Variants in SLC2A13 observed in about 807,000 individuals in gnomAD.
The protein encoded by SLC2A13 is solute carrier family 2 member 13.
In SLC2A13, 32 loss-of-function variants were observed where a neutral mutation model predicts 64.4. The observed-to-expected ratio is 0.50, with a 90% CI of 0.37 to 0.67. The LOEUF (loss-of-function observed/expected upper bound fraction) is 0.67. SLC2A13 is among the 30% of genes least tolerant of loss of function. SLC2A13 has a pLI of 0.00. For synonymous variants in SLC2A13, 338 were observed against 327.1 expected (o/e 1.03, Z -0.36); for missense variants, 743 against 829.2 (o/e 0.90, Z 1.28).
chr12:39,780,076 C>T (rs1385060927), intron 7 of SLC2A13, among the ~76,000 whole-genome samples: 1 of 152,154 alleles, frequency 6.6e-6, no homozygotes, highest in African/African-American at 2.4e-5. Context: ...ATGTAAATTC[C>T]TCATTTGATG....
At chr12:39,888,166 GC>G (rs1282353515) in intron 4 of SLC2A13, among the ~76,000 whole-genome samples, 1 of 152,188 alleles carries the variant, frequency 6.6e-6, no homozygotes, top group Non-Finnish European at 1.5e-5. Flanking sequence ...TCTGCTGCCT[GC>G]CCAGTTCATG....
At position 40,105,924 on chromosome 12, in the gene SLC2A13, CG is replaced by C; in HGVS notation, c.-117del. 1 of 1,215,926 alleles carries C rather than the reference CG, an allele frequency of 8.2e-7. No individual in the cohort carries two copies. The highest frequency in any genetic ancestry group is 1.0e-6 in the Non-Finnish European group (1 of 959,150). The allele number at this position is 1,215,926 out of a possible 1,614,324, so 75.3% of individuals were successfully genotyped here. ...GCCGCTGCCGCCGCTTTCTTCCTCCCGGCTTCCGCTCCGGCTGCCACGGCAG... is the reference window on the plus strand; with the variant it reads ...GCCGCTGCCGCCGCTTTCTTCCTCCCGCTTCCGCTCCGGCTGCCACGGCAG... On this transcript the variant is annotated 5_prime_UTR_variant, in exon 1 of 10. Transcript: ENST00000280871. The surrounding 1 kb of genome is among the most constrained non-coding windows in gnomAD (Gnocchi z 4.2).
chr12:39,829,389 A>ATTTTTTTTT (rs1452679878), intron 7 of SLC2A13: 1 of 65,776 alleles, frequency 1.5e-5, no homozygotes, highest in Non-Finnish European at 2.8e-5. Flanking sequence ...TGTGATAGTA[A>ATTTTTTTTT]TTCTTTTTTT....
At chr12:39,982,640 AAGG>A (rs1409170922) in intron 3 of SLC2A13, among the ~76,000 whole-genome samples, 19 of 149,204 alleles carry the variant, frequency 1.3e-4, no homozygotes, top group African/African-American at 4.4e-4. Flanking sequence ...GCACCTCTTC[AAGG>A]AGAACTACAA....
chr12:39,911,505 C>T (rs902604873), intron 4 of SLC2A13, among the ~76,000 whole-genome samples: 11 of 151,988 alleles, frequency 7.2e-5, no homozygotes, highest in East Asian at 1.9e-4. Context: ...AAAAAAGTGT[C>T]GGGGAATCAT....
chr12:39,798,314 C>T (rs1941651523), intron 7 of SLC2A13, among the ~76,000 whole-genome samples: 1 of 152,104 alleles, frequency 6.6e-6, no homozygotes, highest in African/African-American at 2.4e-5. Flanking sequence ...ATTTGTGACC[C>T]AGAGAAACTG....
In SLC2A13 at chr12:40,105,700, C is replaced by A; in HGVS notation, c.109G>T (p.Gly37Trp). 6.8e-7 allele frequency: 1 copy of A among 1,481,346 alleles called. No individual in the cohort carries two copies. The allele number at this position is 1,481,346 out of a possible 1,614,324, so 91.8% of individuals were successfully genotyped here. A position where few individuals can be genotyped will look rare whatever the true frequency, so the allele number is the denominator to read the frequency against. Residue 37 changes from glycine (G) to tryptophan (W), a missense_variant, in exon 1 of 10, where the codon GGG becomes TGG. Gly to Trp is a radical substitution (Grantham distance 184). Transcript: ENST00000280871. This position sits in a 1 kb window ranked among gnomAD's most constrained non-coding sequence, Gnocchi z 4.2. ...GCGGCAGCCAGGAGGCTGCACTCCC[C>A]GGCCGCGCTCGCCGCGTCCGGCTCC... ...QPEPDAASAA[G>W]ECSLLAAAES...
chr12:39,782,069 A>G (rs1322037024), intron 7 of SLC2A13, among the ~76,000 whole-genome samples: 1 of 152,228 alleles, frequency 6.6e-6, no homozygotes, highest in Non-Finnish European at 1.5e-5. Context: ...TAATCATAGT[A>G]TGGAACTATG....
At chr12:40,101,447 T>C (rs1939144927) in intron 1 of SLC2A13, among the ~76,000 whole-genome samples, 1 of 152,188 alleles carries the variant, frequency 6.6e-6, no homozygotes. Context: ...CACGGTCACA[T>C]GCTATGCTTT....
At chr12:40,083,620 G>A (rs530179879) in intron 1 of SLC2A13, among the ~76,000 whole-genome samples, 58 of 152,254 alleles carry the variant, frequency 3.8e-4, no homozygotes, top group African/African-American at 1.3e-3. Flanking sequence ...AAAAGGATGG[G>A]GAACTCCTCC....
intron 7 of SLC2A13, among the ~76,000 whole-genome samples, chr12:39,812,336 T>TC (rs1942187928): frequency 7.2e-6 from 1 of 138,800 alleles, no homozygotes; most frequent in African/African-American, 2.6e-5. Context: ...GACTAATTTC[T>TC]TTTTTCTTTT....
intron 4 of SLC2A13, among the ~76,000 whole-genome samples, chr12:39,932,167 A>G (rs778071887): frequency 1.3e-5 from 2 of 152,154 alleles, no homozygotes; most frequent in African/African-American, 2.4e-5. Flanking sequence ...TTTTGATTTT[A>G]CTATATATTG....
intron 1 of SLC2A13, among the ~76,000 whole-genome samples, chr12:40,100,375 A>C (rs1939103348): frequency 6.6e-6 from 1 of 152,212 alleles, no homozygotes; most frequent in Non-Finnish European, 1.5e-5. Flanking sequence ...TATAATAAGC[A>C]GTAGAATAAA....
chr12:39,878,145 T>C (rs912665958), intron 4 of SLC2A13, among the ~76,000 whole-genome samples: 7 of 152,230 alleles, frequency 4.6e-5, no homozygotes, highest in Admixed American at 6.5e-5. Flanking sequence ...AAACCAATTA[T>C]ACCTCTTTTC....
At chr12:39,974,780 T>C (rs1444698134) in intron 3 of SLC2A13, among the ~76,000 whole-genome samples, 1 of 152,258 alleles carries the variant, frequency 6.6e-6, no homozygotes, top group Non-Finnish European at 1.5e-5. Flanking sequence ...AGTTTTACAC[T>C]GTGAATTTTG....
chr12:39,945,452 C>T (rs1391468254), intron 4 of SLC2A13, among the ~76,000 whole-genome samples: 1 of 152,122 alleles, frequency 6.6e-6, no homozygotes, highest in Non-Finnish European at 1.5e-5. Flanking sequence ...AATATGTTTT[C>T]CAGGCTTTTA....
At chr12:40,073,177 A>G (rs1198443783) in intron 1 of SLC2A13, among the ~76,000 whole-genome samples, 4 of 151,762 alleles carry the variant, frequency 2.6e-5, no homozygotes, top group Admixed American at 2.6e-4. Flanking sequence ...CCCTTGTATA[A>G]TTTCTGTCAT....
intron 1 of SLC2A13, among the ~76,000 whole-genome samples, chr12:40,082,122 G>T: frequency 1.3e-5 from 2 of 152,228 alleles, no homozygotes; most frequent in South Asian, 4.1e-4. Context: ...AAAGGGCTTC[G>T]GCAAGGCAGC....
At chr12:40,097,396 C>T (rs1021981286) in intron 1 of SLC2A13, among the ~76,000 whole-genome samples, 3 of 151,980 alleles carry the variant, frequency 2.0e-5, no homozygotes, top group Non-Finnish European at 2.9e-5. Context: ...AACTTAAAAA[C>T]TGTACATCAA....
Sources: allele counts gnomAD v4.1 joint callset (sites outside exome capture counted in the v4.1 genomes callset), GRCh38; gene constraint gnomAD v4.1.1; non-coding constraint Gnocchi (gnomAD v3.1); transcripts MANE v1.5; gene names NCBI Gene and HGNC (gene_info 2026-07-23, HGNC 2026-07-21).